Variants in LYPD6 observed in about 807,000 individuals in gnomAD.
LYPD6 encodes LY6/PLAUR domain containing 6.
A neutral mutation model predicts 22.7 loss-of-function variants in LYPD6; 15 were observed. The observed-to-expected ratio is 0.66, with a 90% CI of 0.44 to 1.02. The LOEUF is 1.02. Ranked by LOEUF, LYPD6 falls within the 50% of genes least tolerant of loss-of-function variation. LYPD6 has a pLI of 0.00. For missense variants in LYPD6, 189 were observed against 208.4 expected (o/e 0.91, Z 0.57); for synonymous variants, 72 against 77.5 (o/e 0.93, Z 0.37).
chr2:149,359,232 T>G (rs577509684), intron 1 of LYPD6, among the ~76,000 whole-genome samples: 2 of 152,334 alleles, frequency 1.3e-5, no homozygotes, highest in African/African-American at 4.8e-5. Context: ...TCTTTGATTT[T>G]CATGACTCAG....
At chr2:149,447,241 T>C (rs1683709091) in intron 2 of LYPD6, among the ~76,000 whole-genome samples, 1 of 152,150 alleles carries the variant, frequency 6.6e-6, no homozygotes, top group African/African-American at 2.4e-5. Context: ...TCCTCATCTT[T>C]TTGTGGAGAG....
chr2:149,362,136 A>G (rs1573741698), intron 1 of LYPD6, among the ~76,000 whole-genome samples: 3 of 152,170 alleles, frequency 2.0e-5, no homozygotes, highest in East Asian at 3.9e-4. Flanking sequence ...CAGAACTTTG[A>G]GATAACACAT....
chr2:149,401,161 G>A (rs1682546186), intron 1 of LYPD6, among the ~76,000 whole-genome samples: 1 of 152,146 alleles, frequency 6.6e-6, no homozygotes, highest in Admixed American at 6.5e-5. Context: ...GATCCATCTA[G>A]TGGCTTCCAC....
chr2:149,331,251 C>A (rs1680932859), intron 1 of LYPD6, among the ~76,000 whole-genome samples: 1 of 152,218 alleles, frequency 6.6e-6, no homozygotes, highest in Non-Finnish European at 1.5e-5. Flanking sequence ...CTAGGCCTTT[C>A]AGCCATCCAC....
At chr2:149,353,304 T>A (rs921709750) in intron 1 of LYPD6, among the ~76,000 whole-genome samples, 2 of 152,216 alleles carry the variant, frequency 1.3e-5, no homozygotes, top group African/African-American at 4.8e-5. Flanking sequence ...AATTGTAGGA[T>A]GTAAGAAATG....
At chr2:149,439,494 A>G (rs1180283764) in intron 2 of LYPD6, among the ~76,000 whole-genome samples, 1 of 152,184 alleles carries the variant, frequency 6.6e-6, no homozygotes. Flanking sequence ...CTTCTGTATG[A>G]TTCCTTCTCA....
In LYPD6 at chr2:149,448,451, G is replaced by A. The variant is rs533886961; in HGVS notation, c.119-598G>A. Among the ~76,000 whole-genome samples, 331 of 152,176 alleles carry A rather than the reference G, an allele frequency of 2.2e-3. 2 individuals are homozygous for A. Among genetic ancestry groups the A allele is most frequent in the African/African-American group, 7.7e-3 (319 of 41,518 alleles). ...CTAATTTTATCATGTGTAGGTTTGT[G>A]TATCCTCCACCAGAGTTGAGACACT... On this transcript the variant is annotated intron_variant, in intron 2 of 4. Coordinates refer to ENST00000334166, the MANE Select transcript of LYPD6 (RefSeq NM_194317.5).
intron 1 of LYPD6, among the ~76,000 whole-genome samples, chr2:149,401,375 T>G (rs1682552073): frequency 6.6e-6 from 1 of 152,322 alleles, no homozygotes; most frequent in South Asian, 2.1e-4. Flanking sequence ...ATTTGGGATA[T>G]GTAAGCAGAA....
chr2:149,403,389 C>T (rs1446488396), intron 1 of LYPD6, among the ~76,000 whole-genome samples: 3 of 150,514 alleles, frequency 2.0e-5, no homozygotes, highest in African/African-American at 4.9e-5. Flanking sequence ...CTTTCCAGCA[C>T]CTGTTGTTTC....
chr2:149,449,220 G>A, intron 3 of LYPD6, 73 bp downstream of exon 3: 3 of 983,336 alleles, frequency 3.1e-6, no homozygotes, highest in Non-Finnish European at 4.7e-6. Flanking sequence ...CTTTGGTGAT[G>A]TATAAAGAGA....
intron 1 of LYPD6, among the ~76,000 whole-genome samples, chr2:149,404,227 G>T (rs1278181211): frequency 2.0e-5 from 3 of 152,074 alleles, no homozygotes. Flanking sequence ...CTCTTTTTTG[G>T]TTCCATATGA....
intron 1 of LYPD6, among the ~76,000 whole-genome samples, chr2:149,432,676 C>T (rs567554829): frequency 6.6e-6 from 1 of 152,312 alleles, no homozygotes; most frequent in African/African-American, 2.4e-5. Context: ...ACCCTATGAG[C>T]ACGTTGCCTC....
intron 3 of LYPD6, 32 bp from the exon 4 acceptor site, chr2:149,468,613 T>G: frequency 6.2e-7 from 1 of 1,604,690 alleles, no homozygotes; most frequent in Non-Finnish European, 8.5e-7. Context: ...GGTCAACATT[T>G]CCCATCTCAA....
At chr2:149,391,774 G>A (rs564195991) in intron 1 of LYPD6, among the ~76,000 whole-genome samples, 39 of 152,198 alleles carry the variant, frequency 2.6e-4, no homozygotes, top group African/African-American at 9.2e-4. Context: ...GAAGCTTTCT[G>A]GAAGAATAGA....
intron 1 of LYPD6, among the ~76,000 whole-genome samples, chr2:149,407,836 G>A (rs1316791273): frequency 6.6e-6 from 1 of 152,240 alleles, no homozygotes; most frequent in Middle Eastern, 3.4e-3. Flanking sequence ...CAGTTTTTCT[G>A]CTCTGTTTTT....
At chr2:149,363,939 TA>T (rs1404757968) in intron 1 of LYPD6, among the ~76,000 whole-genome samples, 1 of 152,188 alleles carries the variant, frequency 6.6e-6, no homozygotes, top group African/African-American at 2.4e-5. Flanking sequence ...TTGTTGACAC[TA>T]AAAATCTGAA....
chr2:149,469,089 C>T (rs1681274652), intron 4 of LYPD6, among the ~76,000 whole-genome samples: 1 of 152,130 alleles, frequency 6.6e-6, no homozygotes, highest in Non-Finnish European at 1.5e-5. Context: ...CAGTTATGTC[C>T]ATCACAGTGA....
At position 149,351,409 on chromosome 2, in the gene LYPD6, A is replaced by G. The variant is rs1025740714; in HGVS notation, c.-72+20687A>G. ...ACTCCATCTAAAAAAAAAAAAAAAAAAAAAAAGAAAGAAAACAAGCCTATT... is the reference window on the plus strand; with the variant it reads ...ACTCCATCTAAAAAAAAAAAAAAAAGAAAAAAGAAAGAAAACAAGCCTATT... On this transcript the variant is annotated intron_variant, in intron 1 of 4. Coordinates refer to ENST00000334166, the MANE Select transcript of LYPD6 (RefSeq NM_194317.5). Among the ~76,000 whole-genome samples the G allele has an allele frequency of 4.0e-5, 6 of 151,174 alleles. No individual in the cohort carries two copies. In the South Asian group the frequency reaches 1.3e-3, roughly 32 times the overall value.
intron 1 of LYPD6, among the ~76,000 whole-genome samples, chr2:149,432,949 G>A (rs372687826): frequency 3.9e-5 from 6 of 152,236 alleles, no homozygotes; most frequent in African/African-American, 1.4e-4. Flanking sequence ...GTTATTAAAA[G>A]TTTTTCTCTA....
Sources: gnomAD v4.1 joint callset for allele counts (sites outside exome capture counted in the v4.1 genomes callset) on GRCh38, gnomAD v4.1.1 for gene constraint, MANE v1.5 for transcripts, NCBI Gene and HGNC (gene_info 2026-07-23, HGNC 2026-07-21) for gene names.